The following CPQ variants were observed in gnomAD, a reference collection of about 807,000 sequenced individuals.
CPQ encodes the protein carboxypeptidase Q, also known as Ser-Met dipeptidase.
Under a neutral mutation model 45.7 loss-of-function variants are expected in CPQ, and 37 were observed. That is an observed-to-expected ratio of 0.81 (90% CI 0.62 to 1.07). CPQ has a LOEUF of 1.07. Ranked by LOEUF, CPQ falls within the 50% of genes least tolerant of loss-of-function variation. The probability of loss-of-function intolerance (pLI) is 0.00; values close to 1 mark genes in which losing one functional copy is unlikely to be tolerated. For missense variants in CPQ, 537 were observed against 572.9 expected (o/e 0.94, Z 0.64); for synonymous variants, 186 against 205.8 (o/e 0.90, Z 0.82).
chr8:97,088,931 A>T (rs1811083117), intron 7 of CPQ, among the ~76,000 whole-genome samples: 1 of 152,168 alleles, frequency 6.6e-6, no homozygotes. Flanking sequence ...TAACTTTTAC[A>T]GGTGACCCTT....
intron 7 of CPQ, among the ~76,000 whole-genome samples, chr8:97,079,036 T>C (rs1392754684): frequency 6.6e-6 from 1 of 152,124 alleles, no homozygotes; most frequent in Non-Finnish European, 1.5e-5. Context: ...ATTCCTGGGC[T>C]CAAGCAGTCC....
intron 1 of CPQ, among the ~76,000 whole-genome samples, chr8:96,704,049 T>C (rs925576285): frequency 2.6e-5 from 4 of 152,316 alleles, no homozygotes; most frequent in Non-Finnish European, 4.4e-5. Flanking sequence ...TTCTTAAGTA[T>C]TCATCAAGCA....
At chr8:97,128,738 C>T (rs534653088) in intron 7 of CPQ, among the ~76,000 whole-genome samples, 68 of 152,284 alleles carry the variant, frequency 4.5e-4, no homozygotes, top group East Asian at 1.3e-3. Context: ...ATTTTACGAA[C>T]ATAGTTGTAA....
chr8:96,938,947 G>T (rs764460402), intron 4 of CPQ, among the ~76,000 whole-genome samples: 2 of 152,160 alleles, frequency 1.3e-5, no homozygotes, highest in Non-Finnish European at 2.9e-5. Context: ...AACACAATTT[G>T]TCTTGAAGCC....
intron 1 of CPQ, among the ~76,000 whole-genome samples, chr8:96,704,371 C>A (rs1250184383): frequency 6.6e-6 from 1 of 152,104 alleles, no homozygotes; most frequent in Non-Finnish European, 1.5e-5. Context: ...ACAGTAGATG[C>A]TTAATAAATG....
At chr8:96,748,328 G>A (rs1196888626) in intron 1 of CPQ, among the ~76,000 whole-genome samples, 1 of 151,904 alleles carries the variant, frequency 6.6e-6, no homozygotes, top group Admixed American at 6.6e-5. Flanking sequence ...ACCTTTCCAA[G>A]TATTATTTAT....
chr8:96,673,345 C>T (rs1809031851), intron 1 of CPQ, among the ~76,000 whole-genome samples: 1 of 152,108 alleles, frequency 6.6e-6, no homozygotes, highest in Non-Finnish European at 1.5e-5. Context: ...TTACATCCTA[C>T]ATAAATGAGG....
intron 7 of CPQ, among the ~76,000 whole-genome samples, chr8:97,112,370 T>A (rs1192772376): frequency 6.6e-6 from 1 of 152,156 alleles, no homozygotes; most frequent in Non-Finnish European, 1.5e-5. Flanking sequence ...GCTCAGGACA[T>A]CTGGGAAGGC....
At chr8:96,796,209 G>T (rs374696784) in intron 2 of CPQ, among the ~76,000 whole-genome samples, 5 of 151,976 alleles carry the variant, frequency 3.3e-5, no homozygotes, top group South Asian at 2.1e-4. Context: ...AACCAAAAGT[G>T]ATATTTCCCT....
intron 4 of CPQ, among the ~76,000 whole-genome samples, chr8:96,886,602 T>G (rs551092539): frequency 6.6e-6 from 1 of 152,296 alleles, no homozygotes; most frequent in African/African-American, 2.4e-5. Context: ...ACTTTCAGAT[T>G]AGGAAAATTG....
At chr8:96,988,594 G>A (rs1281802220) in intron 5 of CPQ, among the ~76,000 whole-genome samples, 3 of 152,146 alleles carry the variant, frequency 2.0e-5, no homozygotes, top group Admixed American at 2.0e-4. Flanking sequence ...AACTTAGAAA[G>A]ATTTATCTCC....
At chr8:97,091,128 G>A (rs964316268) in intron 7 of CPQ, among the ~76,000 whole-genome samples, 17 of 152,280 alleles carry the variant, frequency 1.1e-4, no homozygotes, top group East Asian at 3.9e-4. Context: ...AGAAAGTGGC[G>A]TTCGCTCTAG....
intron 4 of CPQ, among the ~76,000 whole-genome samples, chr8:96,943,462 G>A (rs528675854): frequency 2.6e-5 from 4 of 152,194 alleles, no homozygotes; most frequent in Admixed American, 6.5e-5. Context: ...TGTTCTGCAC[G>A]ATTTCTATAT....
chr8:97,068,930 A>C (rs937884108), intron 7 of CPQ, among the ~76,000 whole-genome samples: 1 of 152,198 alleles, frequency 6.6e-6, no homozygotes, highest in Non-Finnish European at 1.5e-5. Flanking sequence ...AGGGGTCTGG[A>C]ATGCTGAGAA....
chr8:96,934,959 A>G (rs989265248), intron 4 of CPQ, among the ~76,000 whole-genome samples: 1 of 152,174 alleles, frequency 6.6e-6, no homozygotes, highest in Non-Finnish European at 1.5e-5. Flanking sequence ...CATTTTGATT[A>G]CTTAACCTAG....
chr8:96,648,659 C>G (rs945789370), intron 1 of CPQ, among the ~76,000 whole-genome samples: 1 of 152,078 alleles, frequency 6.6e-6, no homozygotes, highest in South Asian at 2.1e-4. Context: ...AATTGCACCA[C>G]AGGGTAATGT....
At chr8:96,962,156 C>T (rs769153532) in intron 4 of CPQ, among the ~76,000 whole-genome samples, 1 of 152,196 alleles carries the variant, frequency 6.6e-6, no homozygotes, top group Non-Finnish European at 1.5e-5. Flanking sequence ...ATTCCCAAGG[C>T]CCTCATTCCC....
At chr8:96,887,603 A>AC (rs1344017439) in intron 4 of CPQ, among the ~76,000 whole-genome samples, 1 of 149,928 alleles carries the variant, frequency 6.7e-6, no homozygotes, top group African/African-American at 2.5e-5. Flanking sequence ...ACTCTCTCTC[A>AC]CCAGTAATGG....
intron 5 of CPQ, among the ~76,000 whole-genome samples, chr8:97,015,107 A>G (rs543039847): frequency 6.6e-6 from 1 of 152,318 alleles, no homozygotes; most frequent in Non-Finnish European, 1.5e-5. Context: ...TAAATTTGTA[A>G]AAGGAGGTTT....
Sources: gnomAD v4.1 joint callset for allele counts (sites outside exome capture counted in the v4.1 genomes callset) on GRCh38, gnomAD v4.1.1 for gene constraint, MANE v1.5 for transcripts, NCBI Gene and HGNC (gene_info 2026-07-23, HGNC 2026-07-21) for gene names.